Variants in CHRD observed in about 807,000 individuals in gnomAD.
CHRD encodes the protein chordin.
Under a neutral mutation model 113.7 loss-of-function variants are expected in CHRD, and 69 were observed. The ratio of observed to expected loss-of-function variants is 0.61; its 90% CI spans 0.50 to 0.74. The LOEUF (loss-of-function observed/expected upper bound fraction) is 0.74, where lower values mean the gene tolerates loss of function less well. Among genes scored for constraint, CHRD ranks in the 30% least tolerant of loss-of-function variants. The pLI, the probability that CHRD is intolerant of heterozygous loss-of-function variation, is 0.00. For synonymous variants in CHRD, 561 were observed against 540.8 expected, an observed-to-expected ratio of 1.04 and a Z score of -0.52; for missense variants, 1,194 against 1,295.8, an observed-to-expected ratio of 0.92 and a Z score of 1.21.
rs1223289314 is a variant in CHRD at position 184,384,350 on chromosome 3, C to T, written c.1441-187C>T. On this transcript the variant is annotated intron_variant, in intron 12 of 22. Coordinates refer to ENST00000204604, the Ensembl canonical transcript of CHRD. The surrounding 1 kb of genome is among the most constrained non-coding windows in gnomAD (Gnocchi z 4.4). ...GAAGACTTGGAGAAGTTAAGTTACT[C>T]TTGAAGGTTGTTACATAGCTAGGAA... Among the ~76,000 whole-genome samples the T allele has an allele frequency of 6.6e-6, 1 of 152,186 alleles. No homozygotes were observed.
In CHRD at chr3:184,380,637, G is replaced by C; in HGVS notation, c.149-55G>C. The C allele has an allele frequency of 7.1e-7, 1 of 1,410,160 alleles. No homozygotes were observed. Among genetic ancestry groups the C allele is most frequent in the East Asian group, 2.9e-5 (1 of 34,216 alleles). 87.4% of individuals were successfully genotyped at this position (1,410,160 alleles called of 1,614,324 possible). A position where few individuals can be genotyped will look rare whatever the true frequency, so the allele number is the denominator to read the frequency against. On this transcript the variant is annotated intron_variant, in intron 1 of 22. Coordinates refer to ENST00000204604, the Ensembl canonical transcript of CHRD. This position sits in a 1 kb window ranked among gnomAD's most constrained non-coding sequence, Gnocchi z 6.3. ...ACCCGGGACCCGCGGGCAGCCCCCG[G>C]GGCGGCACACGGCGCGAGCTGGGCA... is the stretch of plus-strand genomic sequence containing the variant.
chr3:184,386,817 C>T lies in CHRD; in HGVS notation c.2197-28C>T, dbSNP rs754465275. On this transcript the variant is annotated intron_variant, in intron 16 of 22. Transcript: ENST00000204604. ...TCTGGAGCAAGGGGCCTGGACACTC[C>T]CGTCAATGCCTCTGCTCCTCTCTGC... is the stretch of plus-strand genomic sequence containing the variant. 41 of 1,613,980 alleles carry T rather than the reference C, an allele frequency of 2.5e-5. No individual in the cohort carries two copies. In the Middle Eastern group the frequency reaches 4.9e-4, roughly 19 times the overall value.
In CHRD at chr3:184,386,561, G is replaced by A. The variant is rs1257380824; in HGVS notation, c.2002G>A (p.Ala668Thr). 1 of 1,551,160 alleles carries A rather than the reference G, an allele frequency of 6.4e-7. No homozygotes were observed. The highest frequency in any genetic ancestry group is 1.2e-5 in the South Asian group (1 of 83,678). ...GGCGGCCGGGGCCGAGGGGGTGCGGGCGCTGGGGGCTCCGGATACAGCCTC... is the reference window on the plus strand; with the variant it reads ...GGCGGCCGGGGCCGAGGGGGTGCGGACGCTGGGGGCTCCGGATACAGCCTC... Residue 668 changes from alanine (A) to threonine (T), a missense_variant, in exon 16 of 23, where the codon GCG becomes ACG. Transcript: ENST00000204604.
At position 184,386,834 on chromosome 3, in the gene CHRD, CCT is replaced by C; in HGVS notation, c.2197-6_2197-5del. The C allele has an allele frequency of 6.2e-7, 1 of 1,614,144 alleles. No individual in the cohort carries two copies. The highest frequency in any genetic ancestry group is 2.2e-5 in the East Asian group (1 of 44,884). ...GGACACTCCCGTCAATGCCTCTGCT[CCT>C]CTCTGCAGAGACGAACGGTGATCTG... On this transcript the variant is annotated splice_polypyrimidine_tract_variant and intron_variant, in intron 16 of 22. Transcript: ENST00000204604.
At chr3:184,386,405 G>C in intron 15 of CHRD, 87 bp from the exon 16 acceptor site, 1 of 1,500,626 alleles carries the variant, frequency 6.7e-7, no homozygotes, top group Non-Finnish European at 8.9e-7. Flanking sequence ...TCAGGGGGCC[G>C]AGGTGTCTCC....
At position 184,381,776 on chromosome 3, in the gene CHRD, T is replaced by A; in HGVS notation, c.572T>A (p.Leu191Gln). ...GCGGTGGCACGAGCCCGAGTCTCGC[T>A]GCTGCGCTCTAGCCTCCGCTTCTCT... The change falls in exon 5 of 23, where the codon CTG becomes CAG. Residue 191 changes from leucine to glutamine, a missense_variant. Transcript: ENST00000204604. The surrounding 1 kb of genome is among the most constrained non-coding windows in gnomAD (Gnocchi z 4.7). 1 of 1,613,236 alleles carries A rather than the reference T, an allele frequency of 6.2e-7. No individual in the cohort carries two copies. Among genetic ancestry groups the A allele is most frequent in the African/African-American group, 1.3e-5 (1 of 75,050 alleles).
At chr3:184,382,798 C>A in intron 8 of CHRD, 24 bp downstream of exon 8, 1 of 1,613,166 alleles carries the variant, frequency 6.2e-7, no homozygotes, top group Non-Finnish European at 8.5e-7. Context: ...GGGCAAAACA[C>A]GTGAGAAGGT....
At chr3:184,383,117 A>G (rs768382668) in exon 10 of CHRD, 5 of 1,607,800 alleles carry the variant, frequency 3.1e-6, no homozygotes, top group Non-Finnish European at 3.4e-6. Flanking sequence ...CAGGCAGGCC[A>G]GGGCTGCGCA....
At chr3:184,389,221 G>A in intron 22 of CHRD, 146 bp from the exon 23 acceptor site, 1 of 711,128 alleles carries the variant, frequency 1.4e-6, no homozygotes, top group Non-Finnish European at 2.4e-6. Flanking sequence ...CGAGATGAAG[G>A]TCACCCAGCT....
At chr3:184,389,743 C>G in exon 23 of CHRD, 1 of 294,444 alleles carries the variant, frequency 3.4e-6, no homozygotes, top group Non-Finnish European at 6.5e-6. Context: ...CACCAAGGGC[C>G]CCCGACACTC....
chr3:184,389,498 C>A, exon 23 of CHRD: 1 of 1,359,172 alleles, frequency 7.4e-7, no homozygotes, highest in Non-Finnish European at 1.0e-6. Flanking sequence ...GACCTTCTTG[C>A]ATTCTCCTGT....
rs773004103 is a variant in CHRD at position 184,383,176 on chromosome 3, G to T, written c.1213+13G>T. On this transcript the variant is annotated intron_variant, in intron 10 of 22. Transcript: ENST00000204604. ...AAGAGCTGCGACGGTGAGGCGGGGG[G>T]GGGGCCTGGTGCGCCGGGCATGCAC... is the stretch of plus-strand genomic sequence containing the variant. The T allele has an allele frequency of 1.8e-4, 291 of 1,595,278 alleles. No homozygotes were observed. The highest frequency in any genetic ancestry group is 1.6e-4 in the Non-Finnish European group (191 of 1,170,640).
chr3:184,383,510 C>T lies in CHRD; in HGVS notation c.1321-13C>T. ...GCCTCTCCACTTTGCCCTCCTCCAT[C>T]CCTGCCCATCAGGTGCAAGTGGTAG... On this transcript the variant is annotated splice_polypyrimidine_tract_variant and intron_variant, in intron 11 of 22. Transcript: ENST00000204604. The T allele has an allele frequency of 6.2e-7, 1 of 1,613,746 alleles. No homozygotes were observed. The highest frequency in any genetic ancestry group is 8.5e-7 in the Non-Finnish European group (1 of 1,179,822).
intron 16 of CHRD, 41 bp from the exon 17 acceptor site, chr3:184,386,804 G>A (rs759705152): frequency 6.2e-7 from 1 of 1,613,880 alleles, no homozygotes; most frequent in African/African-American, 1.3e-5. Context: ...TGGAGCAAGG[G>A]GCCTGGACAC....
Position 184,388,719 on chromosome 3 carries a change from G to A in CHRD, c.2687G>A (p.Ser896Asn). ...TCAGTGCCCCCTTTTGGAGAGATGA[G>A]CTGTATCACCTGCAGATGTGGGGTA... Residue 896 changes from serine to asparagine, a missense_variant, in exon 21 of 23, where the codon AGC becomes AAC. Transcript: ENST00000204604. This position sits in a 1 kb window ranked among gnomAD's most constrained non-coding sequence, Gnocchi z 6.1. The A allele has an allele frequency of 6.2e-7, 1 of 1,614,106 alleles. No homozygotes were observed. The highest frequency in any genetic ancestry group is 8.5e-7 in the Non-Finnish European group (1 of 1,180,034).
Position 184,380,618 on chromosome 3 carries a change from G to T in CHRD, c.149-74G>T. The T allele has an allele frequency of 7.9e-7, 1 of 1,262,074 alleles. No individual in the cohort carries two copies. Among genetic ancestry groups the T allele is most frequent in the South Asian group, 1.8e-5 (1 of 55,924 alleles). 78.2% of individuals were successfully genotyped at this position (1,262,074 alleles called of 1,614,324 possible). On this transcript the variant is annotated intron_variant, in intron 1 of 22. Coordinates refer to ENST00000204604, the Ensembl canonical transcript of CHRD. The surrounding 1 kb of genome is among the most constrained non-coding windows in gnomAD (Gnocchi z 6.3). ...GAAGGGCGCGGTGCCTGGGACCCGG[G>T]ACCCGCGGGCAGCCCCCGGGGCGGC...
chr3:184,386,166 G>A lies in CHRD; in HGVS notation c.1932+7G>A. ...AGGGGAGCTCCGAGGGCAGGTAGGT[G>A]GCGAGTGTGGGCAGTGGGGGCAGTG... On this transcript the variant is annotated splice_region_variant and intron_variant, in intron 15 of 22. Transcript: ENST00000204604. 1 of 1,613,656 alleles carries A rather than the reference G, an allele frequency of 6.2e-7. No homozygotes were observed. The highest frequency in any genetic ancestry group is 8.5e-7 in the Non-Finnish European group (1 of 1,179,674).
At position 184,386,485 on chromosome 3, in the gene CHRD, C is replaced by T. The variant is rs1184009437; in HGVS notation, c.1933-7C>T. Reference sequence around the variant, plus strand: ...CCAGCGCTGCCTCAGTTGGCCTCTCCTCCCAGGTGCACATAGCCAACCAAT... The same window carrying T: ...CCAGCGCTGCCTCAGTTGGCCTCTCTTCCCAGGTGCACATAGCCAACCAAT... On this transcript the variant is annotated splice_polypyrimidine_tract_variant and splice_region_variant and intron_variant, in intron 15 of 22. Coordinates refer to ENST00000204604, the Ensembl canonical transcript of CHRD. 7.2e-6 allele frequency: 11 copies of T among 1,537,550 alleles called. No individual in the cohort carries two copies. Among genetic ancestry groups the T allele is most frequent in the Non-Finnish European group, 9.6e-6 (11 of 1,145,822 alleles).
Position 184,384,115 on chromosome 3 carries a change from G to A in CHRD, c.1441-422G>A, listed in dbSNP as rs574863759. Among the ~76,000 whole-genome samples the A allele has an allele frequency of 8.0e-4, 122 of 152,262 alleles. No individual in the cohort carries two copies. Among genetic ancestry groups the A allele is most frequent in the Non-Finnish European group, 1.4e-3 (97 of 68,032 alleles). On this transcript the variant is annotated intron_variant, in intron 12 of 22. Transcript: ENST00000204604. The surrounding 1 kb of genome is among the most constrained non-coding windows in gnomAD (Gnocchi z 4.4). ...AGTGAGCCCCAGACTAGGGACTAGA[G>A]TACAAAGCAAATCATATGTGGCCCC...
Sources: allele counts gnomAD v4.1 joint callset (sites outside exome capture counted in the v4.1 genomes callset), GRCh38; gene constraint gnomAD v4.1.1; non-coding constraint Gnocchi (gnomAD v3.1); transcripts MANE v1.5; gene names NCBI Gene and HGNC (gene_info 2026-07-23, HGNC 2026-07-21).